Variants in SNX29 observed in about 807,000 individuals in gnomAD.
SNX29 encodes the protein sorting nexin 29.
SNX29 carries 78 observed loss-of-function variants against 102.1 expected under a neutral mutation model. That is an observed-to-expected ratio of 0.76 (90% confidence interval 0.64 to 0.92). The LOEUF is 0.92. Ranked by LOEUF, SNX29 falls within the 40% of genes least tolerant of loss-of-function variation. The pLI is 0.00. For synonymous variants in SNX29, 580 were observed against 414.5 expected (o/e 1.40, Z -4.85); for missense variants, 1,280 against 1,061.7 (o/e 1.21, Z -2.86).
intron 14 of SNX29, among the ~76,000 whole-genome samples, chr16:12,246,589 G>A (rs773593063): frequency 1.3e-5 from 2 of 152,126 alleles, no homozygotes; most frequent in Non-Finnish European, 2.9e-5. Flanking sequence ...GTAGTGAGCC[G>A]AGATCGTGCC....
chr16:12,402,466 C>T (rs2083983985), intron 17 of SNX29, among the ~76,000 whole-genome samples: 1 of 152,228 alleles, frequency 6.6e-6, no homozygotes, highest in Non-Finnish European at 1.5e-5. Context: ...GAGGCGAAGG[C>T]CGGGACCTTA....
At chr16:12,070,975 T>C (rs1411696003) in intron 10 of SNX29, among the ~76,000 whole-genome samples, 3 of 152,148 alleles carry the variant, frequency 2.0e-5, no homozygotes, top group African/African-American at 7.2e-5. Context: ...TGTCTTCTTT[T>C]GAGAAGTGTC....
chr16:12,246,559 T>C (rs952890757), intron 14 of SNX29, among the ~76,000 whole-genome samples: 5 of 152,116 alleles, frequency 3.3e-5, no homozygotes, highest in Admixed American at 1.3e-4. Context: ...GAGAATTGCT[T>C]GGACCTGGGA....
At chr16:12,539,710 T>G (rs1398483567) in intron 20 of SNX29, among the ~76,000 whole-genome samples, 1 of 152,220 alleles carries the variant, frequency 6.6e-6, no homozygotes, top group Admixed American at 6.5e-5. Flanking sequence ...ACTGTCATGA[T>G]TCTTTACTGT....
At chr16:12,520,857 C>G (rs1250377515) in intron 19 of SNX29, among the ~76,000 whole-genome samples, 1 of 152,068 alleles carries the variant, frequency 6.6e-6, no homozygotes, top group Non-Finnish European at 1.5e-5. Flanking sequence ...GTACAGTGCA[C>G]ACTGCTCAGG....
intron 18 of SNX29, among the ~76,000 whole-genome samples, chr16:12,437,595 G>A (rs981952005): frequency 2.6e-5 from 4 of 152,182 alleles, no homozygotes; most frequent in Admixed American, 2.6e-4. Flanking sequence ...TTGCTGGTTA[G>A]CTGTTCTGAG....
At chr16:12,267,283 A>G (rs1281664564) in intron 14 of SNX29, among the ~76,000 whole-genome samples, 1 of 151,730 alleles carries the variant, frequency 6.6e-6, no homozygotes, top group Admixed American at 6.6e-5. Context: ...GCAGGGGAGT[A>G]GGCTCCCTTT....
At chr16:12,460,616 T>C (rs1439089077) in intron 18 of SNX29, among the ~76,000 whole-genome samples, 1 of 151,732 alleles carries the variant, frequency 6.6e-6, no homozygotes, top group East Asian at 1.9e-4. Flanking sequence ...CACTGGACTA[T>C]AACTTTTTGG....
intron 16 of SNX29, among the ~76,000 whole-genome samples, chr16:12,370,582 T>A (rs1391511623): frequency 6.6e-6 from 1 of 152,096 alleles, no homozygotes; most frequent in Admixed American, 6.6e-5. Flanking sequence ...TGAAGGTACA[T>A]CTCTGCTTCC....
At chr16:12,100,702 G>C (rs1037714716) in intron 11 of SNX29, among the ~76,000 whole-genome samples, 14 of 150,928 alleles carry the variant, frequency 9.3e-5, no homozygotes, top group African/African-American at 3.4e-4. Context: ...GGGTGTGGCT[G>C]GGGCAGGAGG....
intron 3 of SNX29, among the ~76,000 whole-genome samples, chr16:12,016,377 C>T (rs1231058082): frequency 6.6e-6 from 1 of 152,140 alleles, no homozygotes; most frequent in Non-Finnish European, 1.5e-5. Flanking sequence ...AGAGAGCAGC[C>T]TCTGGCTTTC....
intron 13 of SNX29, among the ~76,000 whole-genome samples, chr16:12,147,599 T>G (rs2055117093): frequency 6.6e-6 from 1 of 152,150 alleles, no homozygotes; most frequent in Non-Finnish European, 1.5e-5. Context: ...TTGAGTTACT[T>G]CCGAGAAATG....
At chr16:11,978,161 GGCT>G (rs963405521) in intron 1 of SNX29, among the ~76,000 whole-genome samples, 5 of 152,092 alleles carry the variant, frequency 3.3e-5, no homozygotes, top group African/African-American at 1.2e-4. Context: ...ATAATGAGGG[GGCT>G]GGTGAGGGGG....
rs758863906 is a variant in SNX29 at position 12,571,622 on chromosome 16, CTT to C, written c.*2999_*3000del. The C allele has an allele frequency of 1.9e-4, 199 of 1,059,260 alleles. No individual in the cohort carries two copies. Among genetic ancestry groups the C allele is most frequent in the Non-Finnish European group, 2.1e-4 (187 of 875,694 alleles). 65.6% of individuals were successfully genotyped at this position (1,059,260 alleles called of 1,614,324 possible). ...GAACAGCAGGTTCCATCTTTCACAT[CTT>C]TTTTTCTCCCCCAGATGAAAGACGA... On this transcript the variant is annotated 3_prime_UTR_variant, in exon 21 of 21. Coordinates refer to ENST00000566228, the MANE Select transcript of SNX29 (RefSeq NM_032167.5).
At chr16:12,526,206 C>T (rs1023318121) in intron 20 of SNX29, among the ~76,000 whole-genome samples, 2 of 152,086 alleles carry the variant, frequency 1.3e-5, no homozygotes, top group Non-Finnish European at 2.9e-5. Flanking sequence ...AGCTGTTTAA[C>T]GGTTGTTCTA....
chr16:12,101,544 T>A (rs1467121997), intron 11 of SNX29, among the ~76,000 whole-genome samples: 1 of 151,864 alleles, frequency 6.6e-6, no homozygotes, highest in African/African-American at 2.4e-5. Flanking sequence ...CCACCATGCC[T>A]GGCCAATTTT....
At chr16:12,324,541 G>A (rs772901116) in intron 15 of SNX29, among the ~76,000 whole-genome samples, 21 of 152,000 alleles carry the variant, frequency 1.4e-4, no homozygotes, top group Non-Finnish European at 2.8e-4. Context: ...CCAAAGTGTT[G>A]AGATTCTAGG....
chr16:12,271,606 A>C (rs1196666923), intron 14 of SNX29, among the ~76,000 whole-genome samples: 1 of 151,802 alleles, frequency 6.6e-6, no homozygotes, highest in Admixed American at 6.6e-5. Context: ...TCTTTGTTGA[A>C]TGTAATATAT....
At chr16:12,410,668 A>G (rs968993468) in intron 18 of SNX29, among the ~76,000 whole-genome samples, 1 of 151,136 alleles carries the variant, frequency 6.6e-6, no homozygotes, top group Non-Finnish European at 1.5e-5. Flanking sequence ...TCCTGGTCTC[A>G]AGTGATCTTC....
Sources: allele counts gnomAD v4.1 joint callset (sites outside exome capture counted in the v4.1 genomes callset), GRCh38; gene constraint gnomAD v4.1.1; transcripts MANE v1.5; gene names NCBI Gene and HGNC (gene_info 2026-07-23, HGNC 2026-07-21).